Variants in NFIA observed in about 807,000 individuals in gnomAD.
The protein encoded by NFIA is nuclear factor I A, also known as nuclear factor 1 A-type.
A neutral mutation model predicts 62.8 loss-of-function variants in NFIA; 8 were observed. The ratio of observed to expected loss-of-function variants is 0.13; its 90% CI spans 0.07 to 0.23. The LOEUF is 0.23. NFIA is among the 10% of genes least tolerant of loss of function. The pLI, the probability that NFIA is intolerant of heterozygous loss-of-function variation, is 1.00. For synonymous variants in NFIA, 235 were observed against 238.1 expected, an observed-to-expected ratio of 0.99 and a Z score of 0.12; for missense variants, 410 against 642.1, an observed-to-expected ratio of 0.64 and a Z score of 3.91.
At chr1:61,241,166 T>G (rs905730287) in intron 2 of NFIA, among the ~76,000 whole-genome samples, 1 of 152,148 alleles carries the variant, frequency 6.6e-6, no homozygotes. Context: ...CACCTCTCCC[T>G]TCTATTTTAT....
chr1:61,169,107 T>G (rs1462407144), intron 2 of NFIA, among the ~76,000 whole-genome samples: 3 of 152,186 alleles, frequency 2.0e-5, no homozygotes, highest in African/African-American at 7.2e-5. Flanking sequence ...TTTGCAAAAT[T>G]TAGTCAATTC....
chr1:61,326,302 C>T (rs1378938120), intron 3 of NFIA, among the ~76,000 whole-genome samples: 2 of 152,180 alleles, frequency 1.3e-5, no homozygotes, highest in Non-Finnish European at 1.5e-5. Context: ...ATCAATCTGA[C>T]CAGAAGCTTC....
intron 2 of NFIA, among the ~76,000 whole-genome samples, chr1:61,089,684 C>A (rs576558275): frequency 9.5e-5 from 12 of 126,758 alleles, no homozygotes; most frequent in African/African-American, 3.6e-4. Flanking sequence ...AAATATTTAA[C>A]GTTTTTTTTT....
At chr1:61,094,920 G>A (rs557675909) in intron 2 of NFIA, among the ~76,000 whole-genome samples, 1 of 152,316 alleles carries the variant, frequency 6.6e-6, no homozygotes, top group South Asian at 2.1e-4. Context: ...ACAAGTTGCA[G>A]CAACTCTGAA....
At chr1:61,093,964 G>T (rs929267953) in intron 2 of NFIA, among the ~76,000 whole-genome samples, 63 of 152,204 alleles carry the variant, frequency 4.1e-4, no homozygotes, top group African/African-American at 1.5e-3. Context: ...GCCTCAAGCT[G>T]CTTCCAGAGG....
chr1:61,434,199 C>T (rs1363505637), intron 10 of NFIA, among the ~76,000 whole-genome samples: 1 of 152,092 alleles, frequency 6.6e-6, no homozygotes, highest in East Asian at 1.9e-4. Context: ...AGTGAATGCA[C>T]CCCTCAGAAT....
intron 9 of NFIA, among the ~76,000 whole-genome samples, chr1:61,408,052 A>G (rs1048200043): frequency 2.6e-5 from 4 of 152,374 alleles, no homozygotes; most frequent in Admixed American, 6.5e-5. Flanking sequence ...AGAGGCCCTC[A>G]TGGACACATC....
intron 2 of NFIA, among the ~76,000 whole-genome samples, chr1:61,127,160 CAA>C (rs571548416): frequency 1.2e-4 from 12 of 96,582 alleles, no homozygotes; most frequent in Admixed American, 2.1e-4. Flanking sequence ...ACTCCCATCT[CAA>C]AAAAAAAAAA....
At chr1:61,313,558 C>T (rs1660219897) in intron 3 of NFIA, among the ~76,000 whole-genome samples, 1 of 152,152 alleles carries the variant, frequency 6.6e-6, no homozygotes, top group Non-Finnish European at 1.5e-5. Flanking sequence ...CCCACCAGGC[C>T]ACACTTCCAA....
At chr1:61,152,531 A>G (rs1435610014) in intron 2 of NFIA, among the ~76,000 whole-genome samples, 1 of 152,230 alleles carries the variant, frequency 6.6e-6, no homozygotes. Flanking sequence ...TAGTGCTGCC[A>G]TAATTAAAGG....
intron 2 of NFIA, among the ~76,000 whole-genome samples, chr1:61,136,542 G>A (rs559171424): frequency 6.6e-6 from 1 of 152,150 alleles, no homozygotes; most frequent in Non-Finnish European, 1.5e-5. Flanking sequence ...ACGCCTATGA[G>A]AGGCAAATTA....
intron 3 of NFIA, among the ~76,000 whole-genome samples, chr1:61,290,681 T>G (rs763896690): frequency 6.6e-6 from 1 of 152,212 alleles, no homozygotes; most frequent in African/African-American, 2.4e-5. Context: ...GTTCTAAAAG[T>G]AGCAGTGCAG....
At chr1:61,371,162 C>T (rs1271108153) in intron 6 of NFIA, among the ~76,000 whole-genome samples, 1 of 152,174 alleles carries the variant, frequency 6.6e-6, no homozygotes, top group Non-Finnish European at 1.5e-5. Flanking sequence ...CATGTCTTAA[C>T]ACTCTTTAGG....
chr1:61,093,737 A>G (rs1187270047), intron 2 of NFIA, among the ~76,000 whole-genome samples: 1 of 152,192 alleles, frequency 6.6e-6, no homozygotes, highest in Admixed American at 6.5e-5. Context: ...TCTGGAGTAA[A>G]CCTTTGAATG....
At chr1:61,298,031 C>T (rs1380264182) in intron 3 of NFIA, among the ~76,000 whole-genome samples, 1 of 151,998 alleles carries the variant, frequency 6.6e-6, no homozygotes, top group Admixed American at 6.6e-5. Flanking sequence ...ATAACTGATA[C>T]GGTTTGGCTC....
In NFIA at chr1:61,154,126, A is replaced by G. The variant is rs1570275000; in HGVS notation, c.559+65446A>G. On this transcript the variant is annotated intron_variant, in intron 2 of 10. Transcript: ENST00000403491. ...AATATTGTAAATTGACAATTTAAAA[A>G]CACACATTTGTTTTATTTTATTTTA... 2.6e-5 allele frequency among the ~76,000 whole-genome samples: 4 copies of G among 152,308 alleles called. 1 individual carries two copies. Among genetic ancestry groups the G allele is most frequent in the Non-Finnish European group, 5.9e-5 (4 of 68,022 alleles).
intron 2 of NFIA, among the ~76,000 whole-genome samples, chr1:61,203,655 T>C (rs1652687352): frequency 6.6e-6 from 1 of 152,144 alleles, no homozygotes; most frequent in Admixed American, 6.6e-5. Context: ...TGCCATGTAG[T>C]GGTTAAATCT....
chr1:61,349,761 A>T (rs948978750), intron 4 of NFIA, among the ~76,000 whole-genome samples: 2 of 150,186 alleles, frequency 1.3e-5, no homozygotes, highest in African/African-American at 2.5e-5. Context: ...TAAAAAAAAT[A>T]TTTTTTTTTT....
intron 2 of NFIA, among the ~76,000 whole-genome samples, chr1:61,241,862 C>T (rs1039012144): frequency 6.6e-5 from 10 of 151,976 alleles, no homozygotes; most frequent in Non-Finnish European, 1.5e-4. Context: ...ATAACATGGT[C>T]ATTTTCTTTA....
Sources: allele counts gnomAD v4.1 joint callset (sites outside exome capture counted in the v4.1 genomes callset), GRCh38; gene constraint gnomAD v4.1.1; transcripts MANE v1.5; gene names NCBI Gene and HGNC (gene_info 2026-07-23, HGNC 2026-07-21).